CRYBG1: variants seen among roughly 807,000 people sequenced by gnomAD.
CRYBG1 encodes beta/gamma crystallin domain-containing protein 1.
A neutral mutation model predicts 189.2 loss-of-function variants in CRYBG1; 139 were observed. The observed-to-expected ratio is 0.73, with a 90% CI of 0.64 to 0.85. The LOEUF is 0.85. Ranked by LOEUF, CRYBG1 falls within the 40% of genes least tolerant of loss-of-function variation. The pLI is 0.00. For synonymous variants in CRYBG1, 1,023 were observed against 1,017.1 expected, an observed-to-expected ratio of 1.01 and a Z score of -0.11; for missense variants, 2,611 against 2,675.8, an observed-to-expected ratio of 0.98 and a Z score of 0.53.
chr6:106,513,790 G>C (rs1306135925), intron 3 of CRYBG1, among the ~76,000 whole-genome samples: 1 of 152,168 alleles, frequency 6.6e-6, no homozygotes, highest in African/African-American at 2.4e-5. Context: ...TTTTCAAAAA[G>C]TCCCTAATTT....
intron 1 of CRYBG1, among the ~76,000 whole-genome samples, chr6:106,447,547 A>ATATATATATATAT (rs1771686757): frequency 1.4e-5 from 2 of 141,058 alleles, no homozygotes; most frequent in Admixed American, 7.2e-5. Flanking sequence ...GTACCTCATA[A>ATATATATATATAT]ATATATATAT....
At chr6:106,487,407 T>C (rs560328033) in intron 2 of CRYBG1, among the ~76,000 whole-genome samples, 18 of 152,336 alleles carry the variant, frequency 1.2e-4, no homozygotes, top group African/African-American at 4.1e-4. Context: ...TGATATTAAT[T>C]ATCACCCATT....
intron 2 of CRYBG1, among the ~76,000 whole-genome samples, chr6:106,508,540 A>G (rs1057093176): frequency 2.0e-5 from 3 of 152,186 alleles, no homozygotes; most frequent in Non-Finnish European, 4.4e-5. Context: ...ATCATTATAG[A>G]TTAGATTTGC....
chr6:106,403,505 G>A (rs1428291663), intron 1 of CRYBG1, among the ~76,000 whole-genome samples: 8 of 152,230 alleles, frequency 5.3e-5, no homozygotes, highest in Admixed American at 5.2e-4. Flanking sequence ...AGGATTCTAA[G>A]CAAGGGAATG....
rs748406134 is a variant in CRYBG1, at chr6:106,523,731, CT to C, written c.4246-1387del. On this transcript the variant is annotated intron_variant, in intron 4 of 21. Coordinates refer to ENST00000633556, the MANE Select transcript of CRYBG1 (RefSeq NM_001371242.2). ...AAGGCTCTAGGGGGGCCCTTATGGCCTTTTTTTTTTTTTTTAGAGTCAGAAT... is the reference window on the plus strand; with the variant it reads ...AAGGCTCTAGGGGGGCCCTTATGGCCTTTTTTTTTTTTTTAGAGTCAGAAT... Among the ~76,000 whole-genome samples the C allele has an allele frequency of 8.7e-3, 1,196 of 137,212 alleles. 4 individuals are homozygous for C. The highest frequency in any genetic ancestry group is 0.015 in the African/African-American group (544 of 36,904). 90.0% of individuals were successfully genotyped at this position (137,212 alleles called of 152,430 possible).
intron 1 of CRYBG1, among the ~76,000 whole-genome samples, chr6:106,424,722 A>G (rs773562889): frequency 1.9e-4 from 29 of 152,068 alleles, no homozygotes; most frequent in Non-Finnish European, 3.7e-4. Context: ...TCAGCCTCCC[A>G]AAGTGCTGAG....
Position 106,519,374 on chromosome 6 carries a change from A to C in CRYBG1, c.2166A>C (p.Lys722Asn), listed in dbSNP as rs1352227462. 6.2e-7 allele frequency: 1 copy of C among 1,614,032 alleles called. No homozygotes were observed. Among genetic ancestry groups the C allele is most frequent in the African/African-American group, 1.3e-5 (1 of 74,936 alleles). The change falls in exon 4 of 22, where the codon AAA becomes AAC. Residue 722 changes from lysine (K) to asparagine (N), a missense_variant. Physicochemically the swap from Lys to Asn is moderately conservative, Grantham distance 94. Transcript: ENST00000633556. ...GGGCAAAGCTGAATTTAGCCAAAAA[A>C]GCCAAAGAAATGGAGCAACCTGAAA... is the stretch of plus-strand genomic sequence containing the variant. ...VGRAKLNLAKKAKEMEQPEKK... is the reference protein window; with the variant it reads ...VGRAKLNLAKNAKEMEQPEKK...
At chr6:106,522,956 C>T (rs1236341240) in intron 4 of CRYBG1, among the ~76,000 whole-genome samples, 2 of 152,068 alleles carry the variant, frequency 1.3e-5, no homozygotes, top group African/African-American at 2.4e-5. Flanking sequence ...AGAACCCCAA[C>T]GAGCTTTTGT....
intron 7 of CRYBG1, among the ~76,000 whole-genome samples, chr6:106,529,087 A>G (rs1332711117): frequency 6.6e-6 from 1 of 152,098 alleles, no homozygotes; most frequent in Non-Finnish European, 1.5e-5. Context: ...CTGGGATTAC[A>G]GGCACATGCC....
At chr6:106,400,598 A>G (rs1241013745) in intron 1 of CRYBG1, among the ~76,000 whole-genome samples, 1 of 152,212 alleles carries the variant, frequency 6.6e-6, no homozygotes, top group African/African-American at 2.4e-5. Flanking sequence ...TTTTAAAGGG[A>G]GACTCTATAA....
intron 13 of CRYBG1, among the ~76,000 whole-genome samples, chr6:106,548,251 G>A (rs902358045): frequency 6.6e-6 from 1 of 152,152 alleles, no homozygotes; most frequent in African/African-American, 2.4e-5. Flanking sequence ...GGATCATAGA[G>A]CAGAGAATCT....
intron 2 of CRYBG1, among the ~76,000 whole-genome samples, chr6:106,463,179 T>C (rs938152523): frequency 2.6e-5 from 4 of 151,752 alleles, no homozygotes; most frequent in African/African-American, 9.7e-5. Context: ...GCCAGTGTGC[T>C]GTTTTAGTAT....
At position 106,360,974 on chromosome 6, in the gene CRYBG1, G is replaced by T; in HGVS notation, c.66G>T (p.Lys22Asn). The stretch of plus-strand genomic sequence containing the variant: ...CCAGCCCGTGCAGGCCCCCTAAGAA[G>T]CACACCACCTTCCACCTCTGGCGCT... ...GEPSPCRPPKKHTTFHLWRSK... is the reference protein window; with the variant it reads ...GEPSPCRPPKNHTTFHLWRSK... Residue 22 changes from lysine to asparagine, a missense_variant, in exon 1 of 22, where the codon AAG becomes AAT. This residue lies in a region of CRYBG1 where 985 missense variants were observed against 924.4 expected (regional missense o/e 1.07). Coordinates refer to ENST00000633556, the MANE Select transcript of CRYBG1 (RefSeq NM_001371242.2). 6.5e-7 allele frequency: 1 copy of T among 1,535,256 alleles called. No homozygotes were observed. The highest frequency in any genetic ancestry group is 8.7e-7 in the Non-Finnish European group (1 of 1,146,588).
intron 2 of CRYBG1, among the ~76,000 whole-genome samples, chr6:106,469,569 G>A (rs2114464782): frequency 6.6e-6 from 1 of 152,162 alleles, no homozygotes. Flanking sequence ...TACTTAGTAG[G>A]TATTCAGGAG....
intron 10 of CRYBG1, among the ~76,000 whole-genome samples, chr6:106,543,174 T>C (rs1303925059): frequency 6.6e-6 from 1 of 151,808 alleles, no homozygotes; most frequent in Non-Finnish European, 1.5e-5. Context: ...AGATTACAGG[T>C]GTGCATCACT....
At chr6:106,478,366 A>C (rs905191504) in intron 2 of CRYBG1, among the ~76,000 whole-genome samples, 5 of 152,222 alleles carry the variant, frequency 3.3e-5, no homozygotes, top group Non-Finnish European at 5.9e-5. Context: ...CAGACTGATG[A>C]CAGCTACAAT....
At chr6:106,452,516 C>A (rs771535583) in intron 2 of CRYBG1, among the ~76,000 whole-genome samples, 2 of 151,784 alleles carry the variant, frequency 1.3e-5, no homozygotes, top group African/African-American at 4.8e-5. Context: ...GTGCCTTTTG[C>A]GCGCCCTTTT....
rs1289778307 is a variant in CRYBG1 at position 106,563,809 on chromosome 6, T to C, written c.6184T>C (p.Ser2062Pro). The C allele has an allele frequency of 1.9e-6, 3 of 1,612,564 alleles. No individual in the cohort carries two copies. The highest frequency in any genetic ancestry group is 2.2e-5 in the South Asian group (2 of 91,054). ...GACGATTGTGGGCAGCCTGGTAACA[T>C]CTGGCTCCAAGCTAGGCCTGGCCCT... is the stretch of plus-strand genomic sequence containing the variant. ...CLTIVGSLVTSGSKLGLALDQ... is the reference protein window; with the variant it reads ...CLTIVGSLVTPGSKLGLALDQ... The change falls in exon 21 of 22, where the codon TCT (serine) becomes CCT (proline). Residue 2062 changes from serine to proline, a missense_variant. By Grantham distance (74) the Ser-to-Pro change is moderately conservative (BLOSUM62 -1). Around this residue, in one of 3 missense-constraint regions of CRYBG1, gnomAD observed 1,622 missense variants for 1,735.0 expected, o/e 0.93. Transcript: ENST00000633556.
At chr6:106,535,636 T>C (rs13219061) in intron 8 of CRYBG1, among the ~76,000 whole-genome samples, 45,624 of 152,034 alleles carry the variant, frequency 0.3, 7,151 homozygotes, top group South Asian at 0.37. Flanking sequence ...CTCTTATAGA[T>C]TTGCATTTTC....
Sources: allele counts gnomAD v4.1 joint callset (sites outside exome capture counted in the v4.1 genomes callset), GRCh38; gene constraint gnomAD v4.1.1; regional missense constraint gnomAD v4.1.1; transcripts MANE v1.5; gene names NCBI Gene and HGNC (gene_info 2026-07-23, HGNC 2026-07-21).